Variants in SLC14A1 observed in about 807,000 individuals in gnomAD.
SLC14A1 encodes urea transporter 1.
Under a neutral mutation model 39.6 loss-of-function variants are expected in SLC14A1, and 36 were observed. That is an observed-to-expected ratio of 0.91 (90% CI 0.70 to 1.20). SLC14A1 has a LOEUF of 1.20. Among genes scored for constraint, SLC14A1 ranks in the 50% most tolerant of loss-of-function variants. The pLI is 0.00. For synonymous variants in SLC14A1, 164 were observed against 173.6 expected (o/e 0.94, Z 0.43); for missense variants, 469 against 478.7 (o/e 0.98, Z 0.19).
At position 45,749,999 on chromosome 18, in the gene SLC14A1, T is replaced by G. The variant is rs748494312; in HGVS notation, c.*48T>G. 1 of 1,613,884 alleles carries G rather than the reference T, an allele frequency of 6.2e-7. No homozygotes were observed. The highest frequency in any genetic ancestry group is 1.7e-5 in the Admixed American group (1 of 60,034). ...TGGTCACGAGTCATTTCTGCCTGAC[T>G]GCTCCAGCTAACTTCCAGGGTCTCA... On this transcript the variant is annotated 3_prime_UTR_variant, in exon 10 of 10. Coordinates refer to ENST00000321925, the MANE Select transcript of SLC14A1 (RefSeq NM_015865.7).
chr18:45,726,329 CAG>C (rs1555645328), intron 2 of SLC14A1, among the ~76,000 whole-genome samples: 7 of 152,024 alleles, frequency 4.6e-5, no homozygotes, highest in Non-Finnish European at 7.4e-5. Flanking sequence ...GAATAAACAA[CAG>C]GGGGAGAAAA....
Position 45,750,947 on chromosome 18 carries a change from T to G in SLC14A1, c.*996T>G. 1 of 984,606 alleles carries G rather than the reference T, an allele frequency of 1.0e-6. No homozygotes were observed. Among genetic ancestry groups the G allele is most frequent in the Non-Finnish European group, 1.2e-6 (1 of 829,166 alleles). 61.0% of individuals were successfully genotyped at this position (984,606 alleles called of 1,614,324 possible). The stretch of plus-strand genomic sequence containing the variant: ...AAGGTCAGATTGCTTACGGGTGTTA[T>G]TTTTATAAGTTGTTGAATTCCTTAA... On this transcript the variant is annotated 3_prime_UTR_variant, in exon 10 of 10. Transcript: ENST00000321925.
In SLC14A1 at chr18:45,749,881, T is replaced by C. The variant is rs2047663302; in HGVS notation, c.1100T>C (p.Val367Ala). Residue 367 changes from valine to alanine, a missense_variant, in exon 10 of 10, where the codon GTT becomes GCT. Val to Ala is a moderately conservative substitution (Grantham distance 64). Transcript: ENST00000321925. ...ATCTACAAGATGCCCCTCAGTAAAG[T>C]TACTTATCCTGAAGAAAACCGCATC... Reference protein sequence around the residue: ...SNIYKMPLSKVTYPEENRIFY... With the variant: ...SNIYKMPLSKATYPEENRIFY... 2 of 1,614,118 alleles carry C rather than the reference T, an allele frequency of 1.2e-6. No homozygotes were observed. Among genetic ancestry groups the C allele is most frequent in the Non-Finnish European group, 1.7e-6 (2 of 1,179,998 alleles).
intron 4 of SLC14A1, 53 bp from the exon 5 acceptor site, chr18:45,734,221 G>A (rs1295736633): frequency 6.2e-7 from 1 of 1,612,604 alleles, no homozygotes; most frequent in Non-Finnish European, 8.5e-7. Flanking sequence ...TTATGTGCAA[G>A]TGCAACCAAA....
Position 45,751,118 on chromosome 18 carries a change from T to C in SLC14A1, c.*1167T>C, listed in dbSNP as rs934869009. ...ACTTTGGGGAGCCCAGGCGGGCAGATTGCTTGAACCCAGGAGTTCAAGACC... is the reference window on the plus strand; with the variant it reads ...ACTTTGGGGAGCCCAGGCGGGCAGACTGCTTGAACCCAGGAGTTCAAGACC... On this transcript the variant is annotated 3_prime_UTR_variant, in exon 10 of 10. Transcript: ENST00000321925. The C allele has an allele frequency of 6.4e-6, 5 of 780,464 alleles. No homozygotes were observed. Among genetic ancestry groups the C allele is most frequent in the African/African-American group, 3.8e-5 (2 of 53,090 alleles). The allele number at this position is 780,464 out of a possible 1,614,324, so 48.3% of individuals were successfully genotyped here. A position where few individuals can be genotyped will look rare whatever the true frequency, so the allele number is the denominator to read the frequency against.
intron 2 of SLC14A1, chr18:45,730,084 C>A: frequency 2.1e-6 from 1 of 473,892 alleles, no homozygotes; most frequent in South Asian, 4.9e-5. Context: ...AAGACCAGAA[C>A]ATTCTCATGG....
Position 45,726,046 on chromosome 18 carries a change from T to G in SLC14A1, c.-22+1033T>G, listed in dbSNP as rs140939507. Reference sequence around the variant, plus strand: ...GTTTCTTATTTCTTTGTTTTTAGCTTTATATAACATGAGAGCCCTACCACT... The same window carrying G: ...GTTTCTTATTTCTTTGTTTTTAGCTGTATATAACATGAGAGCCCTACCACT... On this transcript the variant is annotated intron_variant, in intron 2 of 9. Transcript: ENST00000321925. Among the ~76,000 whole-genome samples, 965 of 152,310 alleles carry G rather than the reference T, an allele frequency of 6.3e-3. 12 individuals carry two copies. The highest frequency in any genetic ancestry group is 0.02 in the Middle Eastern group (6 of 294).
intron 8 of SLC14A1, among the ~76,000 whole-genome samples, chr18:45,742,217 G>A (rs2047395507): frequency 6.6e-6 from 1 of 152,086 alleles, no homozygotes; most frequent in African/African-American, 2.4e-5. Context: ...AATTCTGTTT[G>A]GTGGAAAGTG....
intron 8 of SLC14A1, chr18:45,740,975 T>G (rs2047356845): frequency 6.6e-6 from 1 of 152,360 alleles, no homozygotes; most frequent in Admixed American, 6.5e-5. Flanking sequence ...GAAGGCATCC[T>G]GAGACCTCTA....
At chr18:45,733,328 C>G (rs1361389979) in intron 4 of SLC14A1, among the ~76,000 whole-genome samples, 1 of 152,136 alleles carries the variant, frequency 6.6e-6, no homozygotes, top group Non-Finnish European at 1.5e-5. Flanking sequence ...GCTCAACATG[C>G]ACATAATTAA....
chr18:45,728,510 G>T (rs993173635), intron 2 of SLC14A1, among the ~76,000 whole-genome samples: 2 of 152,050 alleles, frequency 1.3e-5, no homozygotes, highest in Admixed American at 1.3e-4. Context: ...CCCATAAGTT[G>T]GTATGGCTTT....
intron 6 of SLC14A1, among the ~76,000 whole-genome samples, chr18:45,738,084 G>A (rs1049049738): frequency 5.9e-5 from 9 of 152,220 alleles, no homozygotes; most frequent in Non-Finnish European, 8.8e-5. Flanking sequence ...AGCATGGGCT[G>A]GAAGAATTTA....
Position 45,750,250 on chromosome 18 carries a change from A to G in SLC14A1, c.*299A>G. The G allele has an allele frequency of 1.5e-6, 2 of 1,317,878 alleles. No homozygotes were observed. Among genetic ancestry groups the G allele is most frequent in the Non-Finnish European group, 1.9e-6 (2 of 1,028,944 alleles). The allele number at this position is 1,317,878 out of a possible 1,614,324, so 81.6% of individuals were successfully genotyped here. A position where few individuals can be genotyped will look rare whatever the true frequency, so the allele number is the denominator to read the frequency against. On this transcript the variant is annotated 3_prime_UTR_variant, in exon 10 of 10. Coordinates refer to ENST00000321925, the MANE Select transcript of SLC14A1 (RefSeq NM_015865.7). ...GTGCTCCAACAGAAGGAGGAAGTGA[A>G]AACAAACTATTAGTATTTATTGATA...
Position 45,730,358 on chromosome 18 carries a change from C to T in SLC14A1, c.38C>T (p.Pro13Leu). 6.2e-7 allele frequency: 1 copy of T among 1,613,720 alleles called. No individual in the cohort carries two copies. Among genetic ancestry groups the T allele is most frequent in the Non-Finnish European group, 8.5e-7 (1 of 1,179,976 alleles). ...DSPTMVRVDS[P>L]TMVRGENQVS... The stretch of plus-strand genomic sequence containing the variant: ...CCCACTATGGTTAGAGTGGACAGCC[C>T]CACTATGGTTAGGGGTGAAAACCAG... The change falls in exon 3 of 10, where the codon CCC (proline) becomes CTC (leucine). Residue 13 changes from proline (P) to leucine (L), a missense_variant. Pro to Leu is a moderately conservative substitution (Grantham distance 98). Coordinates refer to ENST00000321925, the MANE Select transcript of SLC14A1 (RefSeq NM_015865.7).
At chr18:45,730,538 T>G in intron 3 of SLC14A1, 67 bp downstream of exon 3, 3 of 1,520,596 alleles carry the variant, frequency 2.0e-6, no homozygotes, top group Non-Finnish European at 2.7e-6. Flanking sequence ...TTCCTGGTAC[T>G]TCTACTTATA....
Position 45,731,220 on chromosome 18 carries a change from C to T in SLC14A1, c.341+16C>T. On this transcript the variant is annotated intron_variant, in intron 4 of 9. Transcript: ENST00000321925. ...GCCAGGACAGGTAGGTGTACCCTTT[C>T]AAGCCTTCTCAGCTCCCTTCTGAGA... is the stretch of plus-strand genomic sequence containing the variant. 2 of 1,612,154 alleles carry T rather than the reference C, an allele frequency of 1.2e-6. No homozygotes were observed. The highest frequency in any genetic ancestry group is 1.7e-5 in the Admixed American group (1 of 60,012).
intron 8 of SLC14A1, among the ~76,000 whole-genome samples, chr18:45,744,035 C>A (rs921099533): frequency 6.8e-6 from 1 of 146,660 alleles, no homozygotes; most frequent in Non-Finnish European, 1.5e-5. Flanking sequence ...TTTTTTGAGA[C>A]AGAGTCTCAC....
intron 8 of SLC14A1, among the ~76,000 whole-genome samples, chr18:45,742,322 T>C (rs1486958474): frequency 1.3e-5 from 2 of 151,594 alleles, no homozygotes; most frequent in Non-Finnish European, 2.9e-5. Flanking sequence ...GTTTTTGTTT[T>C]TCTGGGTTTT....
chr18:45,727,475 C>T (rs2046903066), intron 2 of SLC14A1: 2 of 1,501,728 alleles, frequency 1.3e-6, no homozygotes, highest in Non-Finnish European at 1.8e-6. Context: ...GCTCCAAACT[C>T]TGGTGTATCT....
Sources: allele counts gnomAD v4.1 joint callset (sites outside exome capture counted in the v4.1 genomes callset), GRCh38; gene constraint gnomAD v4.1.1; transcripts MANE v1.5; gene names NCBI Gene and HGNC (gene_info 2026-07-23, HGNC 2026-07-21).